The following IL1RN variants were observed in gnomAD, a reference collection of about 807,000 sequenced individuals.
IL1RN encodes the protein interleukin 1 receptor antagonist.
Under a neutral mutation model 13.7 loss-of-function variants are expected in IL1RN, and 10 were observed. The ratio of observed to expected loss-of-function variants is 0.73; its 90% CI spans 0.45 to 1.24. The LOEUF (loss-of-function observed/expected upper bound fraction) is 1.24, where lower values mean the gene tolerates loss of function less well. Ranked by LOEUF, IL1RN falls within the 50% of genes most tolerant of loss-of-function variation. The probability of loss-of-function intolerance (pLI) is 0.00; values close to 1 mark genes in which losing one functional copy is unlikely to be tolerated. For missense variants in IL1RN, 213 were observed against 222.1 expected (o/e 0.96, Z 0.26); for synonymous variants, 102 against 82.7 (o/e 1.23, Z -1.27).
At chr2:113,104,277 T>A (rs978896388), upstream of IL1RN, among the ~76,000 whole-genome samples, 3 of 152,254 alleles carry the variant, frequency 2.0e-5, no homozygotes, top group East Asian at 5.8e-4. Flanking sequence ...GAGGAGTGAA[T>A]CTTTGGTAAC....
upstream of IL1RN, among the ~76,000 whole-genome samples, chr2:113,105,100 G>A (rs532157074): frequency 2.0e-5 from 3 of 152,294 alleles, no homozygotes; most frequent in South Asian, 2.1e-4. Flanking sequence ...AGGTAGCCTC[G>A]TAGCTGGGCT....
At chr2:113,129,540 G>T in intron 1 of IL1RN, 36 bp from the exon 2 acceptor site, 1 of 1,305,618 alleles carries the variant, frequency 7.7e-7, no homozygotes, top group Non-Finnish European at 1.1e-6. Context: ...GGCACATGGT[G>T]GCTGTGCACT....
chr2:113,104,337 C>T (rs1686357046), upstream of IL1RN, among the ~76,000 whole-genome samples: 1 of 152,094 alleles, frequency 6.6e-6, no homozygotes, highest in Admixed American at 6.5e-5. Context: ...ATGAAGTCAC[C>T]AGCTCTAAGA....
upstream of IL1RN, among the ~76,000 whole-genome samples, chr2:113,124,089 G>A (rs1686873665): frequency 6.6e-6 from 1 of 152,144 alleles, no homozygotes; most frequent in African/African-American, 2.4e-5. Context: ...AGACACTCCT[G>A]TTGTCTCTAG....
chr2:113,129,911 G>A lies in IL1RN; in HGVS notation c.205+247G>A, dbSNP rs1687102719. ...TGCCTATAGGCACAGTGGTCCCAGG[G>A]CCACAGCTGGGAAGGGCAAATACCA... On this transcript the variant is annotated intron_variant, in intron 2 of 3. Transcript: ENST00000409930. The A allele has an allele frequency of 1.6e-5, 8 of 494,712 alleles. No individual in the cohort carries two copies. The South Asian group carries it at 1.7e-4, about 10-fold the overall frequency. The allele number at this position is 494,712 out of a possible 1,614,324, so 30.6% of individuals were successfully genotyped here. A position where few individuals can be genotyped will look rare whatever the true frequency, so the allele number is the denominator to read the frequency against.
chr2:113,112,111 T>C (rs1206939447), intron 1 of IL1RN, among the ~76,000 whole-genome samples: 1 of 152,186 alleles, frequency 6.6e-6, no homozygotes, highest in African/African-American at 2.4e-5. Context: ...TGTAGGCCAG[T>C]CTCTCCAGGA....
At chr2:113,125,432 G>A (rs535752467), upstream of IL1RN, among the ~76,000 whole-genome samples, 2 of 152,312 alleles carry the variant, frequency 1.3e-5, no homozygotes, top group Admixed American at 6.5e-5. Context: ...CTCACTCAAG[G>A]TCACACTGTT....
upstream of IL1RN, among the ~76,000 whole-genome samples, chr2:113,104,079 G>T (rs1320530999): frequency 6.6e-6 from 1 of 151,554 alleles, no homozygotes; most frequent in African/African-American, 2.4e-5. Flanking sequence ...ACTAAGACTA[G>T]ACAGAGTGAT....
At chr2:113,100,393 A>C in the IL1RN span, among the ~76,000 whole-genome samples, 1 of 151,992 alleles carries the variant, frequency 6.6e-6, no homozygotes, top group Admixed American at 6.5e-5. Context: ...TGTTCAGGCC[A>C]ACAGGTACTA....
chr2:113,128,020 G>C (rs55902934), intron 1 of IL1RN, among the ~76,000 whole-genome samples: 219 of 152,356 alleles, frequency 1.4e-3, no homozygotes, highest in Non-Finnish European at 2.7e-3. Context: ...GTGGGACTGC[G>C]ATTCAGGCCT....
the IL1RN span, among the ~76,000 whole-genome samples, chr2:113,100,841 C>T: frequency 4.6e-5 from 7 of 152,012 alleles, no homozygotes; most frequent in African/African-American, 7.3e-5. Flanking sequence ...AGTGGATGGG[C>T]GATCAGGAAG....
upstream of IL1RN, chr2:113,115,380 C>T (rs1370056928): frequency 1.3e-5 from 2 of 152,100 alleles, no homozygotes; most frequent in Admixed American, 1.3e-4. Flanking sequence ...GAGGGCTTCA[C>T]CTGTGACTGT....
chr2:113,130,883 C>T (rs564254594), intron 2 of IL1RN, among the ~76,000 whole-genome samples, 162 bp from the exon 3 acceptor site: 24 of 152,208 alleles, frequency 1.6e-4, no homozygotes, highest in Non-Finnish European at 2.9e-4. Flanking sequence ...TTGGTTTAAT[C>T]TTCTATTTAC....
At chr2:113,121,566 C>T (rs2104440947) in intron 2 of IL1RN, 1 of 985,458 alleles carries the variant, frequency 1.0e-6, no homozygotes, top group East Asian at 1.1e-4. Flanking sequence ...AACCCATAAA[C>T]TGCTGGGGCA....
At chr2:113,124,134 A>G (rs1374678136), upstream of IL1RN, among the ~76,000 whole-genome samples, 4 of 152,132 alleles carry the variant, frequency 2.6e-5, no homozygotes, top group Non-Finnish European at 5.9e-5. Context: ...CATGGAAGCC[A>G]CTAGATACAA....
intron 1 of IL1RN, among the ~76,000 whole-genome samples, chr2:113,119,594 G>A (rs1686698896): frequency 6.6e-6 from 1 of 152,196 alleles, no homozygotes; most frequent in African/African-American, 2.4e-5. Flanking sequence ...ATGGTCTTAT[G>A]TGTTTTTCAA....
upstream of IL1RN, among the ~76,000 whole-genome samples, chr2:113,125,606 C>G (rs965918954): frequency 6.6e-6 from 1 of 152,212 alleles, no homozygotes; most frequent in Non-Finnish European, 1.5e-5. Context: ...AGGATTAACT[C>G]TCTGGACACA....
chr2:113,105,048 G>T (rs930070841), upstream of IL1RN, among the ~76,000 whole-genome samples: 1 of 152,226 alleles, frequency 6.6e-6, no homozygotes, highest in Non-Finnish European at 1.5e-5. Flanking sequence ...AAAGGAAGTT[G>T]TAACACCAAT....
At chr2:113,109,887 T>A (rs1156465940), upstream of IL1RN, among the ~76,000 whole-genome samples, 1 of 152,176 alleles carries the variant, frequency 6.6e-6, no homozygotes, top group Non-Finnish European at 1.5e-5. Context: ...GGTGCTGTCT[T>A]CATCCCCATT....
Sources: gnomAD v4.1 joint callset for allele counts (sites outside exome capture counted in the v4.1 genomes callset) on GRCh38, gnomAD v4.1.1 for gene constraint, MANE v1.5 for transcripts, NCBI Gene and HGNC (gene_info 2026-07-23, HGNC 2026-07-21) for gene names.